The following NUDT19 variants were observed in gnomAD, a reference collection of about 807,000 sequenced individuals.
The protein encoded by NUDT19 is acyl-coenzyme A diphosphatase NUDT19.
A neutral mutation model predicts 22.2 loss-of-function variants in NUDT19; 31 were observed. That is an observed-to-expected ratio of 1.40 (90% CI 1.05 to 1.89). The LOEUF (loss-of-function observed/expected upper bound fraction) is 1.89, where lower values mean the gene tolerates loss of function less well. NUDT19 is among the 40% of genes most tolerant of loss of function. The pLI is 0.00. For synonymous variants in NUDT19, 325 were observed against 230.8 expected, an observed-to-expected ratio of 1.41 and a Z score of -3.70; for missense variants, 752 against 514.2, an observed-to-expected ratio of 1.46 and a Z score of -4.47.
intron 1 of NUDT19, among the ~76,000 whole-genome samples, chr19:32,695,481 C>T (rs761423891): frequency 6.6e-6 from 1 of 152,204 alleles, no homozygotes; most frequent in Non-Finnish European, 1.5e-5. Context: ...TTTAAATTTA[C>T]CCTGGCTTTT....
At chr19:32,700,387 C>T (rs1222637508) in intron 1 of NUDT19, among the ~76,000 whole-genome samples, 1 of 152,168 alleles carries the variant, frequency 6.6e-6, no homozygotes, top group East Asian at 1.9e-4. Context: ...CGTTTACAAA[C>T]CTTGAGCTAG....
chr19:32,697,010 G>A (rs1968271382), intron 1 of NUDT19, among the ~76,000 whole-genome samples: 1 of 152,064 alleles, frequency 6.6e-6, no homozygotes, highest in Non-Finnish European at 1.5e-5. Flanking sequence ...TGATTGCCTC[G>A]GCATAGTGGA....
Position 32,692,481 on chromosome 19 carries a change from A to T in NUDT19, c.521A>T (p.Asp174Val). 1 of 1,551,510 alleles carries T rather than the reference A, an allele frequency of 6.4e-7. No individual in the cohort carries two copies. Among genetic ancestry groups the T allele is most frequent in the Non-Finnish European group, 8.7e-7 (1 of 1,152,068 alleles). Residue 174 changes from aspartate (D) to valine (V), a missense_variant, in exon 1 of 3, where the codon GAC becomes GTC. Asp to Val is a radical substitution (Grantham distance 152). Transcript: ENST00000397061. ...LASWRDRVRQ[D>V]PRHFLRLCAH... ...TCCTGGCGCGACCGCGTGCGCCAGG[A>T]CCCGCGCCACTTCCTGCGGCTGTGC...
intron 1 of NUDT19, among the ~76,000 whole-genome samples, chr19:32,707,609 C>T (rs1224039329): frequency 6.6e-6 from 1 of 152,018 alleles, no homozygotes; most frequent in African/African-American, 2.4e-5. Context: ...CTTTGGGAGG[C>T]CGAGGTGGGT....
At position 32,692,629 on chromosome 19, in the gene NUDT19, G is replaced by T; in HGVS notation, c.669G>T (p.Glu223Asp). 1 of 1,533,726 alleles carries T rather than the reference G, an allele frequency of 6.5e-7. No individual in the cohort carries two copies. The highest frequency in any genetic ancestry group is 8.7e-7 in the Non-Finnish European group (1 of 1,145,772). ...CCTTCTTCCTGTGCTGCCTGCGCGA[G>T]CCGCCGCCCGTCTACCCCGACTTGG... ...DTAFFLCCLR[E>D]PPPVYPDLAE... Residue 223 changes from glutamate (E) to aspartate (D), a missense_variant, in exon 1 of 3, where the codon GAG becomes GAT. Glu to Asp is a conservative substitution (Grantham distance 45). Transcript: ENST00000397061.
chr19:32,692,171 G>C lies in NUDT19; in HGVS notation c.211G>C (p.Asp71His), dbSNP rs765418100. The change falls in exon 1 of 3, where the codon GAC (aspartate) becomes CAC (histidine). Residue 71 changes from aspartate to histidine, a missense_variant. Physicochemically the swap from Asp to His is moderately conservative, Grantham distance 81. Coordinates refer to ENST00000397061, the MANE Select transcript of NUDT19 (RefSeq NM_001105570.2). ...CTCCGGCGGAGTGCTGGATGCGGCCGACCGCTCGGCGGACTGGCTGGGCCT... is the reference window on the plus strand; with the variant it reads ...CTCCGGCGGAGTGCTGGATGCGGCCCACCGCTCGGCGGACTGGCTGGGCCT... ...VFSGGVLDAA[D>H]RSADWLGLFA... 17 of 1,536,902 alleles carry C rather than the reference G, an allele frequency of 1.1e-5. No individual in the cohort carries two copies. Among genetic ancestry groups the C allele is most frequent in the Admixed American group, 3.9e-5 (2 of 50,694 alleles).
intron 2 of NUDT19, among the ~76,000 whole-genome samples, chr19:32,710,420 CAA>C (rs34357522): frequency 0.56 from 59,329 of 106,736 alleles, 13,094 homozygotes; most frequent in African/African-American, 0.61. Context: ...ACTGAAAATA[CAA>C]AAAAAAAAAA....
intron 1 of NUDT19, among the ~76,000 whole-genome samples, chr19:32,698,121 T>C (rs1179892072): frequency 6.6e-6 from 1 of 152,220 alleles, no homozygotes; most frequent in Non-Finnish European, 1.5e-5. Context: ...AAGCTTTGCA[T>C]ACTTGGGTAT....
At chr19:32,696,908 C>G (rs1294577460) in intron 1 of NUDT19, among the ~76,000 whole-genome samples, 1 of 152,164 alleles carries the variant, frequency 6.6e-6, no homozygotes, top group Non-Finnish European at 1.5e-5. Flanking sequence ...TGAGCTGGTG[C>G]TTTCCCTGGG....
chr19:32,706,781 T>A (rs1309338650), intron 1 of NUDT19, among the ~76,000 whole-genome samples: 5 of 152,200 alleles, frequency 3.3e-5, no homozygotes, highest in Non-Finnish European at 7.3e-5. Context: ...AGAGCATAGT[T>A]TGTATAAGGC....
chr19:32,705,785 A>G (rs1171406672), intron 1 of NUDT19, among the ~76,000 whole-genome samples: 1 of 151,972 alleles, frequency 6.6e-6, no homozygotes, highest in Non-Finnish European at 1.5e-5. Context: ...GAGTTTCACC[A>G]TGTTGGCCAG....
At chr19:32,696,177 GGTCACTCAAGGA>G (rs1431060471) in intron 1 of NUDT19, among the ~76,000 whole-genome samples, 2 of 152,150 alleles carry the variant, frequency 1.3e-5, no homozygotes, top group African/African-American at 4.8e-5. Context: ...TTGAAGCACT[GGTCACTCAAGGA>G]GTAGTGCCTG....
chr19:32,692,631 C>T lies in NUDT19; in HGVS notation c.671C>T (p.Pro224Leu), dbSNP rs1156746885. 1.3e-6 allele frequency: 2 copies of T among 1,534,032 alleles called. No individual in the cohort carries two copies. The highest frequency in any genetic ancestry group is 1.7e-6 in the Non-Finnish European group (2 of 1,145,758). ...TTCTTCCTGTGCTGCCTGCGCGAGC[C>T]GCCGCCCGTCTACCCCGACTTGGCG... Reference protein sequence around the residue: ...TAFFLCCLREPPPVYPDLAEV... With the variant: ...TAFFLCCLRELPPVYPDLAEV... The change falls in exon 1 of 3, where the codon CCG (proline) becomes CTG (leucine). Residue 224 changes from proline (P) to leucine (L), a missense_variant. By Grantham distance (98) the Pro-to-Leu change is moderately conservative. Coordinates refer to ENST00000397061, the MANE Select transcript of NUDT19 (RefSeq NM_001105570.2).
chr19:32,694,762 A>G (rs1249608823), intron 1 of NUDT19, among the ~76,000 whole-genome samples: 6 of 152,198 alleles, frequency 3.9e-5, no homozygotes. Context: ...GTCCATATTC[A>G]CTTAAAATTG....
At chr19:32,706,565 C>T (rs947204116) in intron 1 of NUDT19, among the ~76,000 whole-genome samples, 1 of 152,080 alleles carries the variant, frequency 6.6e-6, no homozygotes. Flanking sequence ...TGCCTGTAAT[C>T]CCAGCTACTC....
In NUDT19 at chr19:32,699,514, C is replaced by A. The variant is rs116395886; in HGVS notation, c.714+6840C>A. Reference sequence around the variant, plus strand: ...TCCAGGCAAACCAACGCTCCCCACTCCGAAGAGTCGGGGGTTGTTAGCCCT... The same window carrying A: ...TCCAGGCAAACCAACGCTCCCCACTACGAAGAGTCGGGGGTTGTTAGCCCT... On this transcript the variant is annotated intron_variant, in intron 1 of 2. Coordinates refer to ENST00000397061, the MANE Select transcript of NUDT19 (RefSeq NM_001105570.2). Among the ~76,000 whole-genome samples, 480 of 152,294 alleles carry A rather than the reference C, an allele frequency of 3.2e-3. 3 individuals carry two copies. The highest frequency in any genetic ancestry group is 0.011 in the African/African-American group (453 of 41,556).
chr19:32,703,821 C>T (rs1231828242), intron 1 of NUDT19, among the ~76,000 whole-genome samples: 1 of 151,738 alleles, frequency 6.6e-6, no homozygotes, highest in African/African-American at 2.4e-5. Context: ...CACCACCATG[C>T]CCAGCTACTT....
chr19:32,692,748 C>T (rs1471887711), intron 1 of NUDT19, 74 bp downstream of exon 1: 7 of 1,170,762 alleles, frequency 6.0e-6, no homozygotes, highest in African/African-American at 1.6e-5. Flanking sequence ...GGCCCAGGCC[C>T]CCAAGGGACC....
In NUDT19 at chr19:32,712,912, C is replaced by T. The variant is rs1377314429; in HGVS notation, c.*955C>T. 1 of 152,164 alleles carries T rather than the reference C, an allele frequency of 6.6e-6. No individual in the cohort carries two copies. Among genetic ancestry groups the T allele is most frequent in the Non-Finnish European group, 1.5e-5 (1 of 68,040 alleles). The allele number at this position is 152,164 out of a possible 1,614,324, so 9.4% of individuals were successfully genotyped here. A position where few individuals can be genotyped will look rare whatever the true frequency, so the allele number is the denominator to read the frequency against. ...TTGTTCTTGTTATCCACTGTATTAG[C>T]ACCTTCCCTGATGTGCTTTGGAGGT... On this transcript the variant is annotated 3_prime_UTR_variant, in exon 3 of 3. Coordinates refer to ENST00000397061, the MANE Select transcript of NUDT19 (RefSeq NM_001105570.2).
Sources: allele counts gnomAD v4.1 joint callset (sites outside exome capture counted in the v4.1 genomes callset), GRCh38; gene constraint gnomAD v4.1.1; transcripts MANE v1.5; gene names NCBI Gene and HGNC (gene_info 2026-07-23, HGNC 2026-07-21).